RPN2: variants seen among roughly 807,000 people sequenced by gnomAD.
RPN2 encodes the protein dolichyl-diphosphooligosaccharide--protein glycosyltransferase subunit 2.
In RPN2, 29 loss-of-function variants were observed where a neutral mutation model predicts 71.4. That is an observed-to-expected ratio of 0.41 (90% CI 0.30 to 0.55). The LOEUF (loss-of-function observed/expected upper bound fraction) is 0.55, where lower values mean the gene tolerates loss of function less well. RPN2 is among the 20% of genes least tolerant of loss of function. The probability of loss-of-function intolerance (pLI) is 0.35; values close to 1 mark genes in which losing one functional copy is unlikely to be tolerated. For synonymous variants in RPN2, 308 were observed against 305.0 expected, an observed-to-expected ratio of 1.01 and a Z score of -0.10; for missense variants, 726 against 774.1, an observed-to-expected ratio of 0.94 and a Z score of 0.74.
chr20:37,204,168 G>T (rs1172830323), intron 5 of RPN2, among the ~76,000 whole-genome samples: 1 of 152,152 alleles, frequency 6.6e-6, no homozygotes, highest in Non-Finnish European at 1.5e-5. Flanking sequence ...GGTGACTGTG[G>T]TTTTTATTAT....
chr20:37,225,880 G>A, intron 11 of RPN2, 78 bp downstream of exon 11: 1 of 984,220 alleles, frequency 1.0e-6, no homozygotes, highest in Non-Finnish European at 1.6e-6. Context: ...TCTATAACAT[G>A]GACTAGAGAG....
chr20:37,232,316 GAA>G lies in RPN2; in HGVS notation c.1603_1604del (p.Lys535GlufsTer40). The G allele has an allele frequency of 6.2e-7, 1 of 1,614,234 alleles. No homozygotes were observed. The highest frequency in any genetic ancestry group is 8.5e-7 in the Non-Finnish European group (1 of 1,180,030). On this transcript the variant is annotated frameshift_variant, in exon 14 of 17. Coordinates refer to ENST00000237530, the MANE Select transcript of RPN2 (RefSeq NM_002951.5). LOFTEE classifies it high-confidence loss of function. The stretch of plus-strand genomic sequence containing the variant: ...GGCAGCACCTGTTCCGCGAGCCTGA[GAA>G]GAGGCCCCCCACCGTGGTGTCCAAT... Reference protein sequence around the residue: ...EIQHLFREPEKRPPTVVSNTF... With the variant: ...EIQHLFREPEXRPPTVVSNTF...
chr20:37,237,659 T>C (rs1373632139), intron 16 of RPN2, among the ~76,000 whole-genome samples: 1 of 152,170 alleles, frequency 6.6e-6, no homozygotes, highest in East Asian at 1.9e-4. Context: ...TCCTTGGCTT[T>C]CCTGTAGGAA....
chr20:37,220,252 A>C (rs1236793891), intron 9 of RPN2, among the ~76,000 whole-genome samples: 1 of 151,854 alleles, frequency 6.6e-6, no homozygotes, highest in Non-Finnish European at 1.5e-5. Flanking sequence ...CCGTATATGC[A>C]ACTTTTCTTT....
At position 37,236,782 on chromosome 20, in the gene RPN2, A is replaced by G. The variant is rs901600555; in HGVS notation, c.1883+73A>G. ...CAGCTCTGCCGGCCTAGCTCTTTGA[A>G]GGGTAGGTGGCAAAATGATTTGTGT... On this transcript the variant is annotated intron_variant, in intron 16 of 16. Transcript: ENST00000237530. 5 of 1,490,616 alleles carry G rather than the reference A, an allele frequency of 3.4e-6. No individual in the cohort carries two copies. In the African/African-American group the frequency reaches 5.5e-5, roughly 16 times the overall value. The allele number at this position is 1,490,616 out of a possible 1,614,324, so 92.3% of individuals were successfully genotyped here.
chr20:37,231,576 G>A (rs1170270912), intron 13 of RPN2, among the ~76,000 whole-genome samples: 1 of 152,018 alleles, frequency 6.6e-6, no homozygotes, highest in African/African-American at 2.4e-5. Flanking sequence ...GCTGGGTGTG[G>A]TGGCGCGTAC....
chr20:37,191,279 C>G (rs1600745507), intron 2 of RPN2, among the ~76,000 whole-genome samples: 1 of 152,120 alleles, frequency 6.6e-6, no homozygotes, highest in Non-Finnish European at 1.5e-5. Flanking sequence ...GAGTTCGAGA[C>G]CAGCCTGGCC....
chr20:37,179,932 A>C (rs147056280), intron 1 of RPN2, among the ~76,000 whole-genome samples: 1 of 152,288 alleles, frequency 6.6e-6, no homozygotes, highest in Admixed American at 6.5e-5. Context: ...TCAGTTTCTC[A>C]TCTGTAAAAT....
At chr20:37,233,968 C>A in intron 14 of RPN2, 52 bp from the exon 15 acceptor site, 2 of 1,593,424 alleles carry the variant, frequency 1.3e-6, no homozygotes, top group Non-Finnish European at 1.7e-6. Flanking sequence ...GCTTGTGTTG[C>A]TTCCCTTTTA....
intron 9 of RPN2, among the ~76,000 whole-genome samples, chr20:37,222,993 G>T (rs536091213): frequency 8.7e-4 from 132 of 152,290 alleles, no homozygotes; most frequent in African/African-American, 2.8e-3. Flanking sequence ...AACAATGAGG[G>T]TTTATTTTTT....
At chr20:37,227,877 C>T (rs989054956) in intron 11 of RPN2, among the ~76,000 whole-genome samples, 2 of 152,202 alleles carry the variant, frequency 1.3e-5, no homozygotes, top group African/African-American at 4.8e-5. Context: ...ATATACCGTT[C>T]CCTGCACTAA....
At chr20:37,222,542 C>A (rs2067985766) in intron 9 of RPN2, among the ~76,000 whole-genome samples, 1 of 152,114 alleles carries the variant, frequency 6.6e-6, no homozygotes, top group Non-Finnish European at 1.5e-5. Flanking sequence ...TTCTTCTTTG[C>A]CCTTGATTTG....
intron 13 of RPN2, among the ~76,000 whole-genome samples, chr20:37,231,993 A>G (rs998075380): frequency 1.3e-5 from 2 of 152,192 alleles, no homozygotes; most frequent in Non-Finnish European, 2.9e-5. Flanking sequence ...GCACTAGCCA[A>G]ATGCCACTTG....
chr20:37,224,011 A>T, intron 10 of RPN2, 42 bp downstream of exon 10: 2 of 1,543,758 alleles, frequency 1.3e-6, no homozygotes, highest in Non-Finnish European at 1.8e-6. Flanking sequence ...GCTGAGGCTC[A>T]AGAGCTGAGA....
intron 2 of RPN2, among the ~76,000 whole-genome samples, chr20:37,191,534 G>C (rs1349956136): frequency 6.6e-6 from 1 of 151,872 alleles, no homozygotes; most frequent in Non-Finnish European, 1.5e-5. Context: ...TGGGGATGCC[G>C]AGGCAGGCGG....
intron 9 of RPN2, among the ~76,000 whole-genome samples, chr20:37,218,838 T>C (rs1296152775): frequency 1.3e-5 from 2 of 152,236 alleles, no homozygotes; most frequent in African/African-American, 2.4e-5. Context: ...ATCCATGTTG[T>C]AGCATGTATT....
At chr20:37,222,607 T>C (rs2067987794) in intron 9 of RPN2, among the ~76,000 whole-genome samples, 1 of 152,234 alleles carries the variant, frequency 6.6e-6, no homozygotes, top group Non-Finnish European at 1.5e-5. Flanking sequence ...TATCCTTCAA[T>C]TATTTGCCCA....
chr20:37,236,376 T>G (rs1292302145), intron 15 of RPN2, among the ~76,000 whole-genome samples: 6 of 152,214 alleles, frequency 3.9e-5, no homozygotes, highest in Non-Finnish European at 8.8e-5. Flanking sequence ...TGTGAGCCAC[T>G]GTGCCTGGCC....
chr20:37,184,412 G>A, intron 2 of RPN2, 39 bp downstream of exon 2: 1 of 1,543,786 alleles, frequency 6.5e-7, no homozygotes, highest in Non-Finnish European at 9.0e-7. Context: ...GGTGGTTCAG[G>A]AGAACCTTCA....
Sources: allele counts gnomAD v4.1 joint callset (sites outside exome capture counted in the v4.1 genomes callset), GRCh38; gene constraint gnomAD v4.1.1; transcripts MANE v1.5; gene names NCBI Gene and HGNC (gene_info 2026-07-23, HGNC 2026-07-21).